The following KCNIP1 variants were observed in gnomAD, a reference collection of about 807,000 sequenced individuals.
KCNIP1 encodes the protein A-type potassium channel modulatory protein KCNIP1.
A neutral mutation model predicts 33.0 loss-of-function variants in KCNIP1; 18 were observed. The observed-to-expected ratio is 0.55, with a 90% CI of 0.38 to 0.81. KCNIP1 has a LOEUF of 0.81. Ranked by LOEUF, KCNIP1 falls within the 30% of genes least tolerant of loss-of-function variation. The probability of loss-of-function intolerance (pLI) is 0.00; values close to 1 mark genes in which losing one functional copy is unlikely to be tolerated. For missense variants in KCNIP1, 238 were observed against 271.6 expected (o/e 0.88, Z 0.87); for synonymous variants, 93 against 98.3 (o/e 0.95, Z 0.32).
intron 1 of KCNIP1, among the ~76,000 whole-genome samples, chr5:170,498,232 A>G (rs1170776417): frequency 6.6e-6 from 1 of 152,234 alleles, no homozygotes; most frequent in Non-Finnish European, 1.5e-5. Context: ...ACCCTGTGTC[A>G]GGCACTTTTG....
intron 1 of KCNIP1, among the ~76,000 whole-genome samples, chr5:170,611,016 AACTG>A (rs1759128611): frequency 6.6e-6 from 1 of 152,258 alleles, no homozygotes; most frequent in Non-Finnish European, 1.5e-5. Flanking sequence ...CCCCAAAATG[AACTG>A]ACTTTTCAAA....
chr5:170,463,733 G>A (rs573961893), intron 1 of KCNIP1, among the ~76,000 whole-genome samples: 3 of 152,180 alleles, frequency 2.0e-5, no homozygotes, highest in Admixed American at 2.0e-4. Context: ...GTAAAAGACT[G>A]AATGTTTTTC....
chr5:170,587,213 G>C (rs1478626930), intron 1 of KCNIP1, among the ~76,000 whole-genome samples: 1 of 152,116 alleles, frequency 6.6e-6, no homozygotes, highest in East Asian at 1.9e-4. Context: ...CCTGAGGTCA[G>C]GAGTTCAAGA....
intron 7 of KCNIP1, among the ~76,000 whole-genome samples, chr5:170,734,233 C>T (rs1764305767): frequency 8.1e-6 from 1 of 123,832 alleles, no homozygotes; most frequent in Non-Finnish European, 1.7e-5. Flanking sequence ...ATTTCCCAGA[C>T]TACAAGGAAG....
intron 1 of KCNIP1, among the ~76,000 whole-genome samples, chr5:170,510,248 G>A (rs1333015871): frequency 6.6e-6 from 1 of 152,206 alleles, no homozygotes; most frequent in South Asian, 2.1e-4. Flanking sequence ...CACACTATGA[G>A]GTTGTCATTA....
chr5:170,535,132 C>T (rs1013327912), intron 1 of KCNIP1, among the ~76,000 whole-genome samples: 1 of 152,198 alleles, frequency 6.6e-6, no homozygotes, highest in Non-Finnish European at 1.5e-5. Flanking sequence ...AGGTCAGGGG[C>T]AGCAGTGCCT....
intron 1 of KCNIP1, among the ~76,000 whole-genome samples, chr5:170,579,415 G>A (rs1371626542): frequency 6.6e-6 from 1 of 152,158 alleles, no homozygotes; most frequent in African/African-American, 2.4e-5. Flanking sequence ...AATCAGTGAT[G>A]GAAAATTCAC....
chr5:170,407,069 T>A (rs1478814269), intron 1 of KCNIP1, among the ~76,000 whole-genome samples: 1 of 152,126 alleles, frequency 6.6e-6, no homozygotes, highest in African/African-American at 2.4e-5. Context: ...CATGGAGCCT[T>A]GGGGGTGATT....
At chr5:170,396,677 G>A (rs530509288) in intron 1 of KCNIP1, among the ~76,000 whole-genome samples, 16 of 152,174 alleles carry the variant, frequency 1.1e-4, no homozygotes, top group Non-Finnish European at 1.8e-4. Context: ...ATTAAGTTTT[G>A]CCTAAAGAGT....
rs1425742778 is a variant in KCNIP1, at chr5:170,674,161, A to G, written c.62-44597A>G. 8.4e-4 allele frequency among the ~76,000 whole-genome samples: 67 copies of G among 79,402 alleles called. 1 individual carries two copies. The highest frequency in any genetic ancestry group is 3.4e-3 in the African/African-American group (59 of 17,438). The allele number at this position is 79,402 out of a possible 152,430, so 52.1% of individuals were successfully genotyped here. A position where few individuals can be genotyped will look rare whatever the true frequency, so the allele number is the denominator to read the frequency against. On this transcript the variant is annotated intron_variant, in intron 1 of 7. Coordinates refer to ENST00000328939, the MANE Select transcript of KCNIP1 (RefSeq NM_014592.4). ...GAAGGAAGGAAGGAAGGAAGGAAGG[A>G]AGGAAGGAAGGAAGGAAGGAAGGGA...
rs536704189 is a variant in KCNIP1 at position 170,618,836 on chromosome 5, T to C, written c.62-99922T>C. On this transcript the variant is annotated intron_variant, in intron 1 of 7. Coordinates refer to ENST00000328939, the MANE Select transcript of KCNIP1 (RefSeq NM_014592.4). ...ATAAAGACAGGGTTTCTGTCCTCTT[T>C]CTTACTTCATTCTTTCCTTCTCTTC... is the stretch of plus-strand genomic sequence containing the variant. Among the ~76,000 whole-genome samples the C allele has an allele frequency of 4.6e-4, 70 of 152,308 alleles. 2 individuals are homozygous for C. The South Asian group carries it at 0.014, about 31-fold the overall frequency.
At chr5:170,378,543 G>T in intron 1 of KCNIP1, 4 of 818,400 alleles carry the variant, frequency 4.9e-6, no homozygotes, top group Non-Finnish European at 7.7e-6. Flanking sequence ...CTTCACAAAA[G>T]GATTTCTCAA....
At chr5:170,674,145 A>T (rs1263971619) in intron 1 of KCNIP1, among the ~76,000 whole-genome samples, 10 of 56,098 alleles carry the variant, frequency 1.8e-4, no homozygotes, top group Non-Finnish European at 2.8e-4. Flanking sequence ...GGAAGGAAGG[A>T]AGGAAGGAAG....
intron 5 of KCNIP1, among the ~76,000 whole-genome samples, chr5:170,729,345 A>G (rs896119176): frequency 6.6e-6 from 1 of 152,110 alleles, no homozygotes; most frequent in Non-Finnish European, 1.5e-5. Context: ...TCTGCAATTT[A>G]TGATGACAGA....
At chr5:170,390,517 A>AAAAAAAAATATATATATATATATATAT in intron 1 of KCNIP1, among the ~76,000 whole-genome samples, 2 of 74,540 alleles carry the variant, frequency 2.7e-5, no homozygotes, top group Non-Finnish European at 5.0e-5. Context: ...AAAAAAAACA[A>AAAAAAAAATATATATATATATATATAT]ATATATATAT....
chr5:170,676,865 C>A (rs1201609686), intron 1 of KCNIP1, among the ~76,000 whole-genome samples: 1 of 152,152 alleles, frequency 6.6e-6, no homozygotes, highest in Non-Finnish European at 1.5e-5. Flanking sequence ...CTGCTAGAGG[C>A]CAATACTCAA....
At chr5:170,604,553 G>T (rs553890885) in intron 1 of KCNIP1, among the ~76,000 whole-genome samples, 45 of 152,290 alleles carry the variant, frequency 3.0e-4, no homozygotes, top group Admixed American at 2.1e-3. Flanking sequence ...CTCTGTGAAT[G>T]GCGAGGCTTT....
In KCNIP1 at chr5:170,473,200, CAT is replaced by C. The variant is rs199552620; in HGVS notation, c.88+119239_88+119240del. On this transcript the variant is annotated intron_variant, in intron 1 of 7. Transcript: ENST00000377360. ...TCATTAGTGATGTTGAGCATTTTTTCATATGTTTCTTAGCCATTTGTATATCT... is the reference window on the plus strand; with the variant it reads ...TCATTAGTGATGTTGAGCATTTTTTCATGTTTCTTAGCCATTTGTATATCT... 7.6e-3 allele frequency among the ~76,000 whole-genome samples: 1,149 copies of C among 152,138 alleles called. 18 individuals carry two copies. Among genetic ancestry groups the C allele is most frequent in the African/African-American group, 0.027 (1,111 of 41,500 alleles).
At chr5:170,547,799 C>A (rs754836326) in intron 1 of KCNIP1, among the ~76,000 whole-genome samples, 1 of 152,134 alleles carries the variant, frequency 6.6e-6, no homozygotes, top group African/African-American at 2.4e-5. Context: ...GATTCCATAT[C>A]TCTGCTATTG....
Sources: allele counts gnomAD v4.1 joint callset (sites outside exome capture counted in the v4.1 genomes callset), GRCh38; gene constraint gnomAD v4.1.1; transcripts MANE v1.5; gene names NCBI Gene and HGNC (gene_info 2026-07-23, HGNC 2026-07-21).